The following CACNB2 variants were observed in gnomAD, a reference collection of about 807,000 sequenced individuals.
CACNB2 encodes voltage-dependent L-type calcium channel subunit beta-2.
In CACNB2, 42 loss-of-function variants were observed where a neutral mutation model predicts 73.3. That is an observed-to-expected ratio of 0.57 (90% CI 0.45 to 0.74). CACNB2 has a LOEUF of 0.74. Among genes scored for constraint, CACNB2 ranks in the 30% least tolerant of loss-of-function variants. CACNB2 has a pLI of 0.00. For missense variants in CACNB2, 940 were observed against 853.0 expected (o/e 1.10, Z -1.27); for synonymous variants, 348 against 310.3 (o/e 1.12, Z -1.28).
chr10:18,191,624 T>C (rs1004043413), intron 2 of CACNB2, among the ~76,000 whole-genome samples: 1 of 152,218 alleles, frequency 6.6e-6, no homozygotes, highest in African/African-American at 2.4e-5. Flanking sequence ...CAAAGTCCAC[T>C]GTAGCATTCT....
chr10:18,226,952 G>T (rs1588761318), intron 2 of CACNB2, among the ~76,000 whole-genome samples: 1 of 152,164 alleles, frequency 6.6e-6, no homozygotes. Flanking sequence ...GGGAGCGAGG[G>T]TTATTTAGCT....
chr10:18,288,998 T>C (rs2038931461), intron 2 of CACNB2, among the ~76,000 whole-genome samples: 1 of 152,124 alleles, frequency 6.6e-6, no homozygotes, highest in Admixed American at 6.5e-5. Context: ...TGAGCCAAGA[T>C]GGCATCACTG....
intron 2 of CACNB2, among the ~76,000 whole-genome samples, chr10:18,239,868 A>G (rs1160509636): frequency 6.6e-6 from 1 of 152,190 alleles, no homozygotes; most frequent in Non-Finnish European, 1.5e-5. Flanking sequence ...TGTTTCAAAT[A>G]AGAGCTTGTG....
At chr10:18,349,221 C>T (rs1049202071) in intron 2 of CACNB2, among the ~76,000 whole-genome samples, 3 of 152,162 alleles carry the variant, frequency 2.0e-5, no homozygotes, top group Non-Finnish European at 2.9e-5. Context: ...TCAGAGTTCC[C>T]CATACAGCCT....
At chr10:18,458,964 C>T (rs978760343) in intron 3 of CACNB2, among the ~76,000 whole-genome samples, 1 of 151,866 alleles carries the variant, frequency 6.6e-6, no homozygotes, top group East Asian at 1.9e-4. Context: ...GGGTTTTCAC[C>T]ATGTTGGCCA....
At chr10:18,333,140 A>AGGGATGGG (rs2040868009) in intron 2 of CACNB2, among the ~76,000 whole-genome samples, 1 of 152,168 alleles carries the variant, frequency 6.6e-6, no homozygotes, top group Non-Finnish European at 1.5e-5. Context: ...ATTCAGCGAT[A>AGGGATGGG]GGGATGGGGG....
At chr10:18,239,430 A>G (rs977800697) in intron 2 of CACNB2, among the ~76,000 whole-genome samples, 19 of 152,218 alleles carry the variant, frequency 1.2e-4, no homozygotes, top group South Asian at 4.2e-4. Flanking sequence ...ACTTAAGACA[A>G]TGGCCTCCAG....
At chr10:18,346,446 A>G (rs1367209863) in intron 2 of CACNB2, among the ~76,000 whole-genome samples, 1 of 151,240 alleles carries the variant, frequency 6.6e-6, no homozygotes, top group Non-Finnish European at 1.5e-5. Flanking sequence ...CCAGAACTGG[A>G]ACTTTCTATA....
At chr10:18,340,886 A>G (rs2041205177) in intron 2 of CACNB2, 1 of 1,614,004 alleles carries the variant, frequency 6.2e-7, no homozygotes, top group African/African-American at 1.3e-5. Context: ...TGTGAAGAAA[A>G]TTCCTGCTGG....
chr10:18,443,122 T>TA (rs2046557114), intron 3 of CACNB2, among the ~76,000 whole-genome samples: 1 of 150,874 alleles, frequency 6.6e-6, no homozygotes, highest in Non-Finnish European at 1.5e-5. Flanking sequence ...GTTTTTACTT[T>TA]AGCATGCATT....
At chr10:18,246,330 T>C (rs2036857481) in intron 2 of CACNB2, among the ~76,000 whole-genome samples, 1 of 152,178 alleles carries the variant, frequency 6.6e-6, no homozygotes, top group South Asian at 2.1e-4. Context: ...ACTAGTATTA[T>C]ATTAATAATA....
chr10:18,323,128 A>AT (rs892535312), intron 2 of CACNB2, among the ~76,000 whole-genome samples: 179 of 145,428 alleles, frequency 1.2e-3, no homozygotes, highest in African/African-American at 2.7e-3. Context: ...CACCCAGCTA[A>AT]TTTTTTTTTT....
chr10:18,386,831 A>G (rs916667852), intron 2 of CACNB2, among the ~76,000 whole-genome samples: 1 of 152,196 alleles, frequency 6.6e-6, no homozygotes, highest in South Asian at 2.1e-4. Context: ...TATGTCATCT[A>G]TATTCTTAGA....
intron 2 of CACNB2, chr10:18,260,379 C>T (rs1231807434): frequency 4.3e-6 from 4 of 938,746 alleles, no homozygotes; most frequent in South Asian, 9.8e-5. Flanking sequence ...AGGTCTGAGT[C>T]GGATCAAATT....
chr10:18,538,516 T>C, intron 13 of CACNB2, 151 bp downstream of exon 13: 2 of 671,968 alleles, frequency 3.0e-6, no homozygotes, highest in East Asian at 2.7e-5. Flanking sequence ...GCTGTGTATG[T>C]ACCTGTAAGA....
rs146892016 is a variant in CACNB2, at chr10:18,443,189, C to G, written c.333+41146C>G. ...GATATGCTTTTTTATGTTTTAATCC[C>G]CAATTCAGTGCCTGAATGCTGACGG... On this transcript the variant is annotated intron_variant, in intron 3 of 13. Coordinates refer to ENST00000324631, the MANE Select transcript of CACNB2 (RefSeq NM_201596.3). Among the ~76,000 whole-genome samples, 242 of 151,524 alleles carry G rather than the reference C, an allele frequency of 1.6e-3. 2 individuals are homozygous for G. The highest frequency in any genetic ancestry group is 5.7e-3 in the African/African-American group (235 of 41,330).
chr10:18,382,367 T>C (rs1410907597), intron 2 of CACNB2, among the ~76,000 whole-genome samples: 1 of 150,908 alleles, frequency 6.6e-6, no homozygotes, highest in Admixed American at 6.6e-5. Context: ...GCTCAGTGCC[T>C]CTTTTTTTAA....
intron 2 of CACNB2, among the ~76,000 whole-genome samples, chr10:18,268,630 A>G (rs1248725335): frequency 2.6e-5 from 4 of 152,248 alleles, no homozygotes. Flanking sequence ...CGAACAGCAC[A>G]TGAAAATGAG....
intron 2 of CACNB2, among the ~76,000 whole-genome samples, chr10:18,241,395 G>A (rs2036643376): frequency 6.6e-6 from 1 of 152,170 alleles, no homozygotes; most frequent in East Asian, 1.9e-4. Context: ...AGATGCAGGT[G>A]ACCTACAGGG....
Sources: allele counts gnomAD v4.1 joint callset (sites outside exome capture counted in the v4.1 genomes callset), GRCh38; gene constraint gnomAD v4.1.1; transcripts MANE v1.5; gene names NCBI Gene and HGNC (gene_info 2026-07-23, HGNC 2026-07-21).